CNTN4: variants seen among roughly 807,000 people sequenced by gnomAD.
CNTN4 encodes the protein contactin-4.
Under a neutral mutation model 122.5 loss-of-function variants are expected in CNTN4, and 77 were observed. The observed-to-expected ratio is 0.63, with a 90% CI of 0.52 to 0.76. The LOEUF (loss-of-function observed/expected upper bound fraction) is 0.76, where lower values mean the gene tolerates loss of function less well. Ranked by LOEUF, CNTN4 falls within the 30% of genes least tolerant of loss-of-function variation. The pLI is 0.00. For missense variants in CNTN4, 1,256 were observed against 1,259.1 expected (o/e 1.00, Z 0.04); for synonymous variants, 512 against 447.0 (o/e 1.15, Z -1.83).
chr3:2,692,714 A>C (rs916006531), intron 4 of CNTN4, among the ~76,000 whole-genome samples: 3 of 152,150 alleles, frequency 2.0e-5, no homozygotes, highest in African/African-American at 7.2e-5. Context: ...AGAAAGGGAA[A>C]TAGCTTTATA....
intron 3 of CNTN4, among the ~76,000 whole-genome samples, chr3:2,517,709 C>G (rs972793836): frequency 6.6e-6 from 1 of 152,116 alleles, no homozygotes; most frequent in African/African-American, 2.4e-5. Flanking sequence ...CGGTCATTTG[C>G]AAGAACTTTG....
intron 4 of CNTN4, among the ~76,000 whole-genome samples, chr3:2,724,903 T>C (rs2088112400): frequency 6.6e-6 from 1 of 152,176 alleles, no homozygotes; most frequent in Non-Finnish European, 1.5e-5. Flanking sequence ...GGTTTGGCTC[T>C]TGGGAGCGTT....
At chr3:2,277,780 A>G (rs777159215) in intron 2 of CNTN4, among the ~76,000 whole-genome samples, 7 of 152,194 alleles carry the variant, frequency 4.6e-5, no homozygotes, top group East Asian at 1.9e-4. Context: ...ATGCACCTAC[A>G]TGGCTCATTT....
At chr3:2,870,944 T>C (rs1384205725) in intron 8 of CNTN4, among the ~76,000 whole-genome samples, 1 of 152,174 alleles carries the variant, frequency 6.6e-6, no homozygotes, top group Non-Finnish European at 1.5e-5. Context: ...ATGAGTCTCA[T>C]GTCTGTTCAC....
chr3:2,381,700 G>C (rs1227995773), intron 3 of CNTN4, among the ~76,000 whole-genome samples: 2 of 151,986 alleles, frequency 1.3e-5, no homozygotes, highest in Non-Finnish European at 2.9e-5. Flanking sequence ...TGTATAAAAA[G>C]TCTCCATTCT....
At chr3:2,233,278 A>C (rs1014196853) in intron 2 of CNTN4, among the ~76,000 whole-genome samples, 1 of 152,152 alleles carries the variant, frequency 6.6e-6, no homozygotes, top group Non-Finnish European at 1.5e-5. Context: ...ACTCAATAAA[A>C]TCATATGAAT....
chr3:2,309,323 C>A (rs1317537548), intron 2 of CNTN4, among the ~76,000 whole-genome samples: 1 of 152,062 alleles, frequency 6.6e-6, no homozygotes, highest in Non-Finnish European at 1.5e-5. Context: ...TGTCTTTTAA[C>A]TTTCAGCCTG....
At chr3:2,950,209 T>C (rs748939550) in intron 13 of CNTN4, among the ~76,000 whole-genome samples, 19 of 152,258 alleles carry the variant, frequency 1.2e-4, no homozygotes, top group Non-Finnish European at 1.3e-4. Context: ...TGGAGTGGGA[T>C]GCTGTGTATT....
Position 2,277,055 on chromosome 3 carries a change from G to C in CNTN4, c.-144-62123G>C, listed in dbSNP as rs17011627. On this transcript the variant is annotated intron_variant, in intron 2 of 24. Transcript: ENST00000418658. ...ACAAATAAATAGGCAACAAGATTGAGAAAAACTGGTATATTTGGTAAAAAT... is the reference window on the plus strand; with the variant it reads ...ACAAATAAATAGGCAACAAGATTGACAAAAACTGGTATATTTGGTAAAAAT... Among the ~76,000 whole-genome samples the C allele has an allele frequency of 8.0e-3, 1,225 of 152,218 alleles. 18 individuals are homozygous for C. Among genetic ancestry groups the C allele is most frequent in the African/African-American group, 0.028 (1,160 of 41,526 alleles).
intron 3 of CNTN4, among the ~76,000 whole-genome samples, chr3:2,531,944 A>G (rs997077197): frequency 6.6e-6 from 1 of 152,166 alleles, no homozygotes; most frequent in African/African-American, 2.4e-5. Flanking sequence ...AACCTTATAC[A>G]CATTTTAGAA....
At chr3:2,204,130 TTA>T (rs1380899719) in intron 2 of CNTN4, among the ~76,000 whole-genome samples, 2 of 152,318 alleles carry the variant, frequency 1.3e-5, no homozygotes, top group South Asian at 2.1e-4. Flanking sequence ...TCATTCATTG[TTA>T]TATTCCATCA....
At chr3:2,199,143 C>T (rs2037979029) in intron 2 of CNTN4, among the ~76,000 whole-genome samples, 1 of 152,186 alleles carries the variant, frequency 6.6e-6, no homozygotes, top group Non-Finnish European at 1.5e-5. Context: ...TCCAGACCTC[C>T]TAAAGGCCAA....
chr3:2,815,907 A>G (rs951840848), intron 6 of CNTN4, among the ~76,000 whole-genome samples: 2 of 140,268 alleles, frequency 1.4e-5, no homozygotes, highest in Admixed American at 6.8e-5. Flanking sequence ...AATACTATGT[A>G]GCCATAAAAA....
intron 2 of CNTN4, among the ~76,000 whole-genome samples, chr3:2,189,026 TTCATCATTAAGTAATTCTGTG>T (rs2037402462): frequency 6.6e-6 from 1 of 152,162 alleles, no homozygotes; most frequent in Non-Finnish European, 1.5e-5. Flanking sequence ...TTTTGCCCTG[TTCATCATTAAGTAATTCTGTG>T]GAATTCAGAA....
At chr3:2,286,103 T>C (rs1326863561) in intron 2 of CNTN4, among the ~76,000 whole-genome samples, 1 of 152,054 alleles carries the variant, frequency 6.6e-6, no homozygotes, top group Non-Finnish European at 1.5e-5. Context: ...TTTTTTATTC[T>C]GTTTCCCATT....
chr3:3,021,813 C>T (rs1224457721), intron 14 of CNTN4, among the ~76,000 whole-genome samples: 1 of 152,190 alleles, frequency 6.6e-6, no homozygotes, highest in African/African-American at 2.4e-5. Context: ...GGTATGGCGG[C>T]TCACGCCTGT....
At chr3:2,966,323 A>C (rs1216039165) in intron 13 of CNTN4, among the ~76,000 whole-genome samples, 1 of 152,216 alleles carries the variant, frequency 6.6e-6, no homozygotes, top group Admixed American at 6.5e-5. Flanking sequence ...GGTTTCCTAT[A>C]AACAATTGAT....
chr3:2,779,269 G>T (rs201824092), intron 6 of CNTN4, among the ~76,000 whole-genome samples: 1 of 144,480 alleles, frequency 6.9e-6, no homozygotes, highest in Admixed American at 6.8e-5. Context: ...TTGTTTGTTT[G>T]TTTTTGTTGG....
chr3:2,189,745 A>T (rs2037438934), intron 2 of CNTN4, among the ~76,000 whole-genome samples: 1 of 151,928 alleles, frequency 6.6e-6, no homozygotes, highest in Non-Finnish European at 1.5e-5. Context: ...TATGTTATTC[A>T]TTTTTTTTAA....
Sources: gnomAD v4.1 joint callset for allele counts (sites outside exome capture counted in the v4.1 genomes callset) on GRCh38, gnomAD v4.1.1 for gene constraint, MANE v1.5 for transcripts, NCBI Gene and HGNC (gene_info 2026-07-23, HGNC 2026-07-21) for gene names.